The following FILIP1L variants were observed in gnomAD, a reference collection of about 807,000 sequenced individuals.
The protein encoded by FILIP1L is filamin A interacting protein 1 like, also known as filamin A-interacting protein 1-like.
Under a neutral mutation model 96.6 loss-of-function variants are expected in FILIP1L, and 55 were observed. The ratio of observed to expected loss-of-function variants is 0.57; its 90% confidence interval spans 0.46 to 0.71. The LOEUF (loss-of-function observed/expected upper bound fraction) is 0.71, where lower values mean the gene tolerates loss of function less well. Among genes scored for constraint, FILIP1L ranks in the 30% least tolerant of loss-of-function variants. The probability of loss-of-function intolerance (pLI) is 0.00; values close to 1 mark genes in which losing one functional copy is unlikely to be tolerated. For missense variants in FILIP1L, 1,304 were observed against 1,321.2 expected, an observed-to-expected ratio of 0.99 and a Z score of 0.20; for synonymous variants, 467 against 473.9, an observed-to-expected ratio of 0.99 and a Z score of 0.19.
Position 100,097,882 on chromosome 3 carries a change from T to C in FILIP1L, c.-11+16171A>G, listed in dbSNP as rs189537803. Reference sequence around the variant, plus strand: ...ATGGCTTTGTTGCACTTTTTCTGAATAGCTTTGTGTTATATTTTTACTCAG... The same window carrying C: ...ATGGCTTTGTTGCACTTTTTCTGAACAGCTTTGTGTTATATTTTTACTCAG... On this transcript the variant is annotated intron_variant, in intron 1 of 5. Transcript: ENST00000477258. 2.8e-3 allele frequency among the ~76,000 whole-genome samples: 428 copies of C among 152,358 alleles called. 3 individuals carry two copies. The highest frequency in any genetic ancestry group is 9.7e-3 in the African/African-American group (404 of 41,598).
At chr3:100,020,302 T>C (rs1363686482) in intron 1 of FILIP1L, among the ~76,000 whole-genome samples, 1 of 152,208 alleles carries the variant, frequency 6.6e-6, no homozygotes, top group Non-Finnish European at 1.5e-5. Context: ...TATTCTCGCA[T>C]TTAGGACTTG....
At chr3:99,924,080 G>A in intron 4 of FILIP1L, 150 bp downstream of exon 4, 3 of 709,200 alleles carry the variant, frequency 4.2e-6, no homozygotes, top group East Asian at 5.0e-5. Flanking sequence ...TACTGATAAT[G>A]TCTTCAAACA....
At chr3:100,031,146 A>G (rs2065015844) in intron 1 of FILIP1L, among the ~76,000 whole-genome samples, 1 of 152,244 alleles carries the variant, frequency 6.6e-6, no homozygotes, top group East Asian at 1.9e-4. Flanking sequence ...CAGCATTTTT[A>G]GACTATGTAC....
chr3:99,867,363 C>T (rs1255883661), intron 4 of FILIP1L, among the ~76,000 whole-genome samples: 1 of 152,088 alleles, frequency 6.6e-6, no homozygotes, highest in Non-Finnish European at 1.5e-5. Flanking sequence ...CCATATCTTA[C>T]CTTGTGATTT....
Position 99,848,941 on chromosome 3 carries a change from TG to T in FILIP1L, c.2734del (p.Gln912LysfsTer24). Reference protein sequence around the residue: ...LHIKVTPDHVQNTATLEITSP... With the variant: ...LHIKVTPDHVXNTATLEITSP... ...TGTGATTTCAAGAGTGGCTGTGTTT[TG>T]TACATGGTCTGGAGTAACCTTTATA... On this transcript the variant is annotated frameshift_variant, in exon 5 of 6. Transcript: ENST00000477258. LOFTEE classifies it high-confidence loss of function. 1 of 1,614,156 alleles carries T rather than the reference TG, an allele frequency of 6.2e-7. No individual in the cohort carries two copies. Among genetic ancestry groups the T allele is most frequent in the South Asian group, 1.1e-5 (1 of 91,076 alleles).
chr3:99,989,397 C>T (rs1442725719), intron 1 of FILIP1L, among the ~76,000 whole-genome samples: 2 of 152,220 alleles, frequency 1.3e-5, no homozygotes, highest in East Asian at 3.9e-4. Context: ...CTATCACTTC[C>T]CATTCTAGTA....
intron 1 of FILIP1L, among the ~76,000 whole-genome samples, chr3:100,006,511 T>TA (rs1216495113): frequency 1.3e-5 from 2 of 152,076 alleles, no homozygotes; most frequent in African/African-American, 4.8e-5. Context: ...AGTCTCCTTT[T>TA]AAAAAAAGTA....
At chr3:100,052,989 C>A (rs894770933) in intron 1 of FILIP1L, among the ~76,000 whole-genome samples, 3 of 152,088 alleles carry the variant, frequency 2.0e-5, no homozygotes, top group Non-Finnish European at 4.4e-5. Context: ...CTCTGTATAT[C>A]ACCTGTGGAG....
chr3:99,961,547 T>C (rs1192619538), intron 1 of FILIP1L, among the ~76,000 whole-genome samples: 1 of 152,198 alleles, frequency 6.6e-6, no homozygotes, highest in Non-Finnish European at 1.5e-5. Flanking sequence ...GACGTGCAGC[T>C]GAATACTGGT....
Position 99,929,820 on chromosome 3 carries a change from T to TA in FILIP1L, c.426+35_426+36insT, listed in dbSNP as rs1221121233. On this transcript the variant is annotated intron_variant, in intron 3 of 5. Transcript: ENST00000477258. ...CTCATCTGCAGGGCTAGTGCTTGGC[T>TA]GCCTCCCAGGTACACACCCCTATTG... is the stretch of plus-strand genomic sequence containing the variant. 10 of 1,524,186 alleles carry TA rather than the reference T, an allele frequency of 6.6e-6. No individual in the cohort carries two copies. In the African/African-American group the frequency reaches 1.4e-4, roughly 21 times the overall value. 94.4% of individuals were successfully genotyped at this position (1,524,186 alleles called of 1,614,324 possible).
chr3:99,946,200 T>C (rs1455125934), intron 1 of FILIP1L, among the ~76,000 whole-genome samples: 1 of 152,208 alleles, frequency 6.6e-6, no homozygotes, highest in Non-Finnish European at 1.5e-5. Flanking sequence ...ATTGGGTATG[T>C]CTATTACATC....
In FILIP1L at chr3:99,835,684, A is replaced by G. The variant is rs531053636; in HGVS notation, c.3382-5079T>C. ...TGACTGCATTTTAAGAAACATTGAT[A>G]TAAGGAGTTCAAAAATAAATGATAG... On this transcript the variant is annotated intron_variant, in intron 5 of 5. Coordinates refer to ENST00000477258, the MANE Select transcript of FILIP1L (RefSeq NM_001387850.1). Among the ~76,000 whole-genome samples the G allele has an allele frequency of 3.3e-5, 5 of 152,338 alleles. No individual in the cohort carries two copies. The South Asian group carries it at 1.0e-3, about 32-fold the overall frequency.
intron 5 of FILIP1L, chr3:99,847,954 T>C (rs1376045397): frequency 2.9e-6 from 3 of 1,021,436 alleles, no homozygotes; most frequent in East Asian, 8.4e-5. Flanking sequence ...TTTACTGTTT[T>C]ATAATGTTAA....
chr3:99,954,169 C>G (rs1708254717), intron 1 of FILIP1L, among the ~76,000 whole-genome samples: 1 of 152,214 alleles, frequency 6.6e-6, no homozygotes, highest in Non-Finnish European at 1.5e-5. Context: ...TCATATTTCA[C>G]AGGTGACAAA....
intron 4 of FILIP1L, among the ~76,000 whole-genome samples, chr3:99,860,000 AG>A (rs1258073523): frequency 2.6e-5 from 4 of 152,210 alleles, no homozygotes; most frequent in African/African-American, 9.6e-5. Context: ...CATTTGACTT[AG>A]TCAGCAAGAT....
At position 100,020,003 on chromosome 3, in the gene FILIP1L, A is replaced by C. The variant is rs1436605197; in HGVS notation, c.-10-88973T>G. ...GTATTATGTGCAATTTTATTTTCTG[A>C]GTAATATCACTGATTCAGTAATTAC... On this transcript the variant is annotated intron_variant, in intron 1 of 5. Transcript: ENST00000477258. Among the ~76,000 whole-genome samples the C allele has an allele frequency of 2.4e-4, 36 of 152,160 alleles. 1 individual carries two copies. Among genetic ancestry groups the C allele is most frequent in the Admixed American group, 2.3e-3 (35 of 15,274 alleles).
intron 4 of FILIP1L, among the ~76,000 whole-genome samples, chr3:99,872,958 A>G (rs1705311370): frequency 6.6e-6 from 1 of 151,944 alleles, no homozygotes; most frequent in Non-Finnish European, 1.5e-5. Flanking sequence ...GCAAAGGCTG[A>G]TAAGTGTTGG....
At chr3:100,051,354 A>G (rs2065368882) in intron 1 of FILIP1L, 1 of 151,866 alleles carries the variant, frequency 6.6e-6, no homozygotes, top group East Asian at 1.9e-4. Flanking sequence ...AATGGCTTAT[A>G]TTTCTTTTTA....
chr3:99,881,540 T>TC (rs1188198028), intron 4 of FILIP1L, among the ~76,000 whole-genome samples: 2 of 151,684 alleles, frequency 1.3e-5, no homozygotes, highest in African/African-American at 4.8e-5. Context: ...TCTCTCTCTT[T>TC]TTTTTTTTTT....
Sources: allele counts gnomAD v4.1 joint callset (sites outside exome capture counted in the v4.1 genomes callset), GRCh38; gene constraint gnomAD v4.1.1; transcripts MANE v1.5; gene names NCBI Gene and HGNC (gene_info 2026-07-23, HGNC 2026-07-21).